UPP2: variants seen among roughly 807,000 people sequenced by gnomAD.
The protein encoded by UPP2 is uridine phosphorylase 2.
In UPP2, 23 loss-of-function variants were observed where a neutral mutation model predicts 26.7. That is an observed-to-expected ratio of 0.86 (90% confidence interval 0.62 to 1.22). The LOEUF (loss-of-function observed/expected upper bound fraction) is 1.22, where lower values mean the gene tolerates loss of function less well. UPP2 is among the 50% of genes most tolerant of loss of function. The probability of loss-of-function intolerance (pLI) is 0.00; values close to 1 mark genes in which losing one functional copy is unlikely to be tolerated. For synonymous variants in UPP2, 127 were observed against 141.3 expected, an observed-to-expected ratio of 0.90 and a Z score of 0.72; for missense variants, 387 against 396.7, an observed-to-expected ratio of 0.98 and a Z score of 0.21.
intron 2 of UPP2, among the ~76,000 whole-genome samples, chr2:158,112,500 T>TAGACATAGAACA (rs1340462328): frequency 6.6e-6 from 1 of 152,100 alleles, no homozygotes; most frequent in Non-Finnish European, 1.5e-5. Context: ...CTATAAAATG[T>TAGACATAGAACA]TAGAAGAAAA....
chr2:158,034,396 C>T (rs1263842577), intron 3 of UPP2, among the ~76,000 whole-genome samples: 1 of 152,210 alleles, frequency 6.6e-6, no homozygotes, highest in East Asian at 1.9e-4. Context: ...GCAAAGGCTT[C>T]TGCTCAGATG....
At position 158,063,973 on chromosome 2, in the gene UPP2, A is replaced by G. The variant is rs566046955; in HGVS notation, c.148-38067A>G. ...AGTATTCCATGGTGTATATGTGCCA[A>G]TTTTCTTTATCCAGTCTATTATTGA... On this transcript the variant is annotated intron_variant, in intron 3 of 9. Coordinates refer to the UPP2 transcript ENST00000605860. Among the ~76,000 whole-genome samples the G allele has an allele frequency of 3.0e-3, 462 of 152,110 alleles. 3 individuals are homozygous for G. Among genetic ancestry groups the G allele is most frequent in the Non-Finnish European group, 5.2e-3 (352 of 67,982 alleles).
At chr2:158,111,580 A>G (rs1413540187) in intron 2 of UPP2, among the ~76,000 whole-genome samples, 4 of 152,026 alleles carry the variant, frequency 2.6e-5, no homozygotes, top group African/African-American at 9.7e-5. Flanking sequence ...GTAATTATTG[A>G]TATGTTTGGA....
At chr2:158,063,428 T>A (rs2159205) in intron 3 of UPP2, among the ~76,000 whole-genome samples, 102,605 of 151,974 alleles carry the variant, frequency 0.68, 35,100 homozygotes, top group Admixed American at 0.73. Flanking sequence ...TAGTATAACT[T>A]TGATGTCTGA....
At chr2:158,066,317 T>C (rs1682434143) in intron 3 of UPP2, among the ~76,000 whole-genome samples, 1 of 152,248 alleles carries the variant, frequency 6.6e-6, no homozygotes, top group Admixed American at 6.5e-5. Flanking sequence ...CTGTCGTTTG[T>C]ACCAACTGAC....
At chr2:158,123,341 AT>A (rs1219978135) in intron 5 of UPP2, among the ~76,000 whole-genome samples, 10 of 138,234 alleles carry the variant, frequency 7.2e-5, no homozygotes, top group Middle Eastern at 3.6e-3. Context: ...GTAGCTTAGC[AT>A]CATCGAAACC....
At chr2:158,025,678 G>T (rs978692926) in intron 3 of UPP2, among the ~76,000 whole-genome samples, 4 of 152,240 alleles carry the variant, frequency 2.6e-5, no homozygotes, top group Non-Finnish European at 5.9e-5. Flanking sequence ...AATGGCATCA[G>T]ACCAGCAGAG....
At chr2:158,023,245 G>T (rs762910302) in intron 3 of UPP2, among the ~76,000 whole-genome samples, 1 of 144,352 alleles carries the variant, frequency 6.9e-6, no homozygotes, top group African/African-American at 2.5e-5. Context: ...GGGGGCATTT[G>T]GAAGGCTTTC....
chr2:158,076,462 A>T (rs1229944128), intron 3 of UPP2, among the ~76,000 whole-genome samples: 1 of 152,016 alleles, frequency 6.6e-6, no homozygotes, highest in Non-Finnish European at 1.5e-5. Flanking sequence ...CAGTTAAAAG[A>T]CTGTTCATCA....
At chr2:158,062,571 A>C (rs911424452) in intron 3 of UPP2, among the ~76,000 whole-genome samples, 1 of 152,316 alleles carries the variant, frequency 6.6e-6, no homozygotes, top group East Asian at 1.9e-4. Flanking sequence ...AATGTCCAGC[A>C]CTATCTACCC....
intron 3 of UPP2, among the ~76,000 whole-genome samples, chr2:158,017,205 C>A (rs1430431560): frequency 6.6e-6 from 1 of 152,148 alleles, no homozygotes; most frequent in African/African-American, 2.4e-5. Context: ...GAGCTTAAAT[C>A]TTCATCTTGA....
At position 158,123,862 on chromosome 2, in the gene UPP2, T is replaced by A. The variant is rs1443199819; in HGVS notation, c.778T>A (p.Phe260Ile). 1.2e-6 allele frequency: 2 copies of A among 1,613,926 alleles called. No individual in the cohort carries two copies. The highest frequency in any genetic ancestry group is 2.7e-5 in the African/African-American group (2 of 74,926). Residue 260 changes from phenylalanine (F) to isoleucine (I), a missense_variant, in exon 6 of 7, where the codon TTT becomes ATT. Transcript: ENST00000005756. The stretch of plus-strand genomic sequence containing the variant: ...GAATATTGAAATGGAATCTACAGTG[T>A]TTGCAGCTATGTGTGGACTCTGTGG... The part of the protein sequence containing the change: ...VRNIEMESTV[F>I]AAMCGLCGLK...
At chr2:158,112,305 C>T (rs984467818) in intron 2 of UPP2, among the ~76,000 whole-genome samples, 1 of 152,000 alleles carries the variant, frequency 6.6e-6, no homozygotes, top group South Asian at 2.1e-4. Context: ...TAAACTCTCA[C>T]CTTTATGTAC....
chr2:158,025,245 G>A (rs1476703104), intron 3 of UPP2, among the ~76,000 whole-genome samples: 1 of 152,048 alleles, frequency 6.6e-6, no homozygotes, highest in Non-Finnish European at 1.5e-5. Flanking sequence ...AAAGGTCAGG[G>A]TGGAGGGAAG....
intron 3 of UPP2, among the ~76,000 whole-genome samples, chr2:158,029,777 T>G (rs750778089): frequency 6.6e-6 from 1 of 151,668 alleles, no homozygotes; most frequent in Non-Finnish European, 1.5e-5. Context: ...GTTTCTCATA[T>G]TCTAGGTCAT....
At chr2:158,102,206 C>T in intron 1 of UPP2, 81 bp downstream of exon 1, 2 of 1,473,726 alleles carry the variant, frequency 1.4e-6, no homozygotes, top group Non-Finnish European at 1.8e-6. Flanking sequence ...AGATAATGGG[C>T]CTCTACAGTT....
chr2:158,045,085 T>G (rs1684133416), intron 3 of UPP2, among the ~76,000 whole-genome samples: 1 of 152,228 alleles, frequency 6.6e-6, no homozygotes, highest in South Asian at 2.1e-4. Context: ...CCAAATCATA[T>G]TCTTTGTAGG....
chr2:158,128,228 C>G (rs1403495314), intron 6 of UPP2, among the ~76,000 whole-genome samples: 1 of 152,148 alleles, frequency 6.6e-6, no homozygotes, highest in Non-Finnish European at 1.5e-5. Flanking sequence ...TGGACAGACA[C>G]TGGTAACTTA....
chr2:158,100,689 G>T (rs1184133265), upstream of UPP2, among the ~76,000 whole-genome samples: 1 of 152,186 alleles, frequency 6.6e-6, no homozygotes, highest in Non-Finnish European at 1.5e-5. Context: ...CAACACACAT[G>T]TTAAAGACTA....
Sources: allele counts gnomAD v4.1 joint callset (sites outside exome capture counted in the v4.1 genomes callset), GRCh38; gene constraint gnomAD v4.1.1; transcripts MANE v1.5; gene names NCBI Gene and HGNC (gene_info 2026-07-23, HGNC 2026-07-21).